SLC25A51: variants seen among roughly 807,000 people sequenced by gnomAD.
The protein encoded by SLC25A51 is mitochondrial nicotinamide adenine dinucleotide transporter SLC25A51.
Under a neutral mutation model 19.1 loss-of-function variants are expected in SLC25A51, and 11 were observed. The observed-to-expected ratio is 0.58, with a 90% CI of 0.36 to 0.96. The LOEUF (loss-of-function observed/expected upper bound fraction) is 0.96, where lower values mean the gene tolerates loss of function less well. Among genes scored for constraint, SLC25A51 ranks in the 40% least tolerant of loss-of-function variants. The pLI is 0.01. For synonymous variants in SLC25A51, 105 were observed against 133.6 expected (o/e 0.79, Z 1.47); for missense variants, 201 against 365.4 (o/e 0.55, Z 3.67).
chr9:37,885,848 A>C, downstream of SLC25A51: 5 of 1,602,720 alleles, frequency 3.1e-6, no homozygotes, highest in Non-Finnish European at 4.3e-6. Context: ...TTTACATCAC[A>C]CTCTGCATAG....
At chr9:37,892,296 T>C (rs1043591610) in intron 2 of SLC25A51, among the ~76,000 whole-genome samples, 1 of 152,322 alleles carries the variant, frequency 6.6e-6, no homozygotes, top group African/African-American at 2.4e-5. Context: ...CTCTGAAAGC[T>C]GAATAACTGT....
At chr9:37,887,083 G>C (rs1377747250), downstream of SLC25A51, among the ~76,000 whole-genome samples, 1 of 152,076 alleles carries the variant, frequency 6.6e-6, no homozygotes, top group Admixed American at 6.5e-5. Context: ...TTGGGAGGCC[G>C]AGGCGGGTGG....
chr9:37,891,281 G>GAGGCGCC (rs1353072023), intron 2 of SLC25A51, among the ~76,000 whole-genome samples: 2 of 152,186 alleles, frequency 1.3e-5, no homozygotes, highest in Admixed American at 6.5e-5. Flanking sequence ...CGGGAGGTGG[G>GAGGCGCC]AGGCGCCTCT....
chr9:37,890,391 T>G (rs554544369), intron 2 of SLC25A51, among the ~76,000 whole-genome samples: 1 of 151,164 alleles, frequency 6.6e-6, no homozygotes, highest in African/African-American at 2.4e-5. Context: ...TTTCTAAAAA[T>G]AATAACAATA....
chr9:37,901,738 G>GT (rs1294161016), intron 1 of SLC25A51, among the ~76,000 whole-genome samples: 1 of 152,148 alleles, frequency 6.6e-6, no homozygotes, highest in African/African-American at 2.4e-5. Context: ...AATGTACAGA[G>GT]TTTTGGGGCT....
chr9:37,888,240 T>G lies in SLC25A51; in HGVS notation c.311A>C (p.Asp104Ala). 6.2e-7 allele frequency: 1 copy of G among 1,614,164 alleles called. No individual in the cohort carries two copies. Among genetic ancestry groups the G allele is most frequent in the Non-Finnish European group, 8.5e-7 (1 of 1,180,042 alleles). Residue 104 changes from aspartate to alanine, a missense_variant, in exon 3 of 3, where the codon GAT becomes GCT. By Grantham distance (126) the Asp-to-Ala change is moderately radical (BLOSUM62 -2). Coordinates refer to ENST00000242275, the MANE Select transcript of SLC25A51 (RefSeq NM_033412.4). ...TLALMFGLYE[D>A]LSCLLHKHVS... ...ATGCTTGTGGAGAAGGCAGGATAAA[T>G]CCTCATACAGACCAAACATAAGTGC... is the stretch of plus-strand genomic sequence containing the variant.
intron 1 of SLC25A51, among the ~76,000 whole-genome samples, chr9:37,902,785 G>A (rs1011098245): frequency 6.6e-6 from 1 of 152,208 alleles, no homozygotes; most frequent in Non-Finnish European, 1.5e-5. Flanking sequence ...CTGTGACTAA[G>A]AAAACAGTGT....
chr9:37,890,487 T>G (rs1291576988), intron 2 of SLC25A51, among the ~76,000 whole-genome samples: 1 of 152,148 alleles, frequency 6.6e-6, no homozygotes, highest in Non-Finnish European at 1.5e-5. Context: ...GAGGATTGCA[T>G]GAGGCCACAA....
Position 37,888,193 on chromosome 9 carries a change from T to C in SLC25A51, c.358A>G (p.Thr120Ala), listed in dbSNP as rs376597826. 9.9e-5 allele frequency: 159 copies of C among 1,613,960 alleles called. No homozygotes were observed. Among genetic ancestry groups the C allele is most frequent in the Non-Finnish European group, 1.3e-4 (150 of 1,179,962 alleles). ...HKHVSAPEFA[T>A]SGVAAVLAGT... ...GCAAGCACTGCCGCCACGCCACTGG[T>C]TGCAAACTCTGGAGCACTGACATGC... is the stretch of plus-strand genomic sequence containing the variant. The change falls in exon 3 of 3, where the codon ACC becomes GCC. Residue 120 changes from threonine (T) to alanine (A), a missense_variant. Coordinates refer to ENST00000242275, the MANE Select transcript of SLC25A51 (RefSeq NM_033412.4).
chr9:37,889,249 A>G (rs1831527722), intron 2 of SLC25A51, among the ~76,000 whole-genome samples: 2 of 152,228 alleles, frequency 1.3e-5, no homozygotes, highest in African/African-American at 2.4e-5. Flanking sequence ...TAAAACAGCA[A>G]GACATGCACT....
downstream of SLC25A51, among the ~76,000 whole-genome samples, chr9:37,884,395 C>T (rs1399443779): frequency 6.6e-6 from 1 of 152,224 alleles, no homozygotes; most frequent in African/African-American, 2.4e-5. Context: ...TGCTCTCAAA[C>T]TATCTTATTG....
At chr9:37,892,727 C>T (rs1359340792) in intron 2 of SLC25A51, among the ~76,000 whole-genome samples, 1 of 151,522 alleles carries the variant, frequency 6.6e-6, no homozygotes, top group Non-Finnish European at 1.5e-5. Context: ...GCACATGCCA[C>T]CACACCTGGT....
Position 37,887,840 on chromosome 9 carries a change from A to G in SLC25A51, c.711T>C (p.Thr237=). 6.2e-7 allele frequency: 1 copy of G among 1,612,886 alleles called. No homozygotes were observed. The highest frequency in any genetic ancestry group is 8.5e-7 in the Non-Finnish European group (1 of 1,179,872). Residue 237 remains threonine (T), a synonymous_variant, in exon 3 of 3, where the codon ACT becomes ACC. Transcript: ENST00000242275. ...FLFFPINVVK[T]RIQSQIGGEF... ...CCCCACCAATCTGAGACTGTATGCGAGTTTTTACAACATTAATTGGAAAAA... is the reference window on the plus strand; with the variant it reads ...CCCCACCAATCTGAGACTGTATGCGGGTTTTTACAACATTAATTGGAAAAA...
chr9:37,890,905 A>G (rs1418658037), intron 2 of SLC25A51, among the ~76,000 whole-genome samples: 1 of 152,242 alleles, frequency 6.6e-6, no homozygotes, highest in African/African-American at 2.4e-5. Flanking sequence ...TTTCACTTGG[A>G]ACAAAAAATT....
At chr9:37,894,817 T>A (rs984831107) in intron 2 of SLC25A51, among the ~76,000 whole-genome samples, 8 of 152,294 alleles carry the variant, frequency 5.3e-5, no homozygotes, top group Admixed American at 4.6e-4. Flanking sequence ...TTCCTCTCTA[T>A]GTGTCCATGA....
At chr9:37,899,317 C>T (rs1831791827) in intron 2 of SLC25A51, among the ~76,000 whole-genome samples, 1 of 152,150 alleles carries the variant, frequency 6.6e-6, no homozygotes, top group Non-Finnish European at 1.5e-5. Context: ...CATCATACTG[C>T]TAACTTCCAT....
chr9:37,884,952 T>C (rs1410253444), downstream of SLC25A51, among the ~76,000 whole-genome samples: 3 of 152,190 alleles, frequency 2.0e-5, no homozygotes, highest in Non-Finnish European at 4.4e-5. Flanking sequence ...ATCTACCATA[T>C]CTAAATAGAA....
At chr9:37,899,763 A>G (rs1043542191) in intron 2 of SLC25A51, 66 bp downstream of exon 2, 16 of 26,304 alleles carry the variant, frequency 6.1e-4, no homozygotes, top group African/African-American at 2.6e-3. Flanking sequence ...CCCCACCCCC[A>G]TCATACTGTA....
At chr9:37,879,576 T>G (rs776527760) in exon 4 of SLC25A51, 1 of 152,832 alleles carries the variant, frequency 6.5e-6, no homozygotes, top group Non-Finnish European at 1.5e-5. Context: ...ACAAATAAAA[T>G]GTACTAGTGA....
Sources: gnomAD v4.1 joint callset for allele counts (sites outside exome capture counted in the v4.1 genomes callset) on GRCh38, gnomAD v4.1.1 for gene constraint, MANE v1.5 for transcripts, NCBI Gene and HGNC (gene_info 2026-07-23, HGNC 2026-07-21) for gene names.